Variants in FKBP1A observed in about 807,000 individuals in gnomAD.
FKBP1A encodes the protein FKBP prolyl isomerase 1A, also known as peptidyl-prolyl cis-trans isomerase FKBP1A.
FKBP1A carries 5 observed loss-of-function variants against 14.2 expected under a neutral mutation model. The observed-to-expected ratio is 0.35, with a 90% confidence interval of 0.18 to 0.74. The LOEUF (loss-of-function observed/expected upper bound fraction) is 0.74. FKBP1A is among the 30% of genes least tolerant of loss of function. The pLI is 0.56. For missense variants in FKBP1A, 53 were observed against 138.8 expected (o/e 0.38, Z 3.10); for synonymous variants, 42 against 49.1 (o/e 0.86, Z 0.60).
chr20:1,384,536 T>C (rs770658363), intron 2 of FKBP1A, among the ~76,000 whole-genome samples: 3 of 152,270 alleles, frequency 2.0e-5, no homozygotes, highest in East Asian at 1.9e-4. Context: ...AAATGATTTA[T>C]GTTAGAGTTT....
At chr20:1,371,152 G>A in intron 4 of FKBP1A, 1 of 985,434 alleles carries the variant, frequency 1.0e-6, no homozygotes, top group South Asian at 4.7e-5. Context: ...TGGTTCCTAT[G>A]GCAGGAGGGG....
chr20:1,392,246 T>C (rs1483345534), intron 2 of FKBP1A, among the ~76,000 whole-genome samples: 1 of 152,168 alleles, frequency 6.6e-6, no homozygotes, highest in Non-Finnish European at 1.5e-5. Context: ...CGTGCAGCTC[T>C]ACTTCCCCCA....
At chr20:1,372,727 C>CAT (rs2089485022) in intron 3 of FKBP1A, among the ~76,000 whole-genome samples, 1 of 152,040 alleles carries the variant, frequency 6.6e-6, no homozygotes. Context: ...CTCTTTTACC[C>CAT]ATATAGGAAA....
At chr20:1,383,956 G>C (rs764311500) in intron 2 of FKBP1A, among the ~76,000 whole-genome samples, 159 of 152,226 alleles carry the variant, frequency 1.0e-3, no homozygotes, top group Non-Finnish European at 2.0e-3. Context: ...ATGGCTCAAG[G>C]TCTAATGGTT....
At chr20:1,378,911 C>T (rs867092844) in intron 2 of FKBP1A, among the ~76,000 whole-genome samples, 3 of 152,206 alleles carry the variant, frequency 2.0e-5, no homozygotes, top group Non-Finnish European at 4.4e-5. Context: ...GGAACAGTGT[C>T]TCATGTCAGG....
intron 2 of FKBP1A, 74 bp from the exon 3 acceptor site, chr20:1,375,677 C>T (rs2122667858): frequency 1.9e-6 from 2 of 1,074,772 alleles, no homozygotes; most frequent in Non-Finnish European, 2.9e-6. Flanking sequence ...CAGCAGAGCA[C>T]TCATCAGAGA....
At chr20:1,370,235 G>A in intron 4 of FKBP1A, 163 bp from the exon 5 acceptor site, 1 of 985,460 alleles carries the variant, frequency 1.0e-6, no homozygotes, top group Non-Finnish European at 1.2e-6. Context: ...AGAAAGACTT[G>A]GGCTGGGTCC....
intron 2 of FKBP1A, chr20:1,391,620 GAA>G (rs778573792): frequency 2.5e-6 from 1 of 398,578 alleles, no homozygotes; most frequent in Non-Finnish European, 4.4e-6. Context: ...TCTTTCCAGT[GAA>G]AGTCATTTCC....
At chr20:1,383,980 T>C (rs1340347174) in intron 2 of FKBP1A, among the ~76,000 whole-genome samples, 1 of 152,162 alleles carries the variant, frequency 6.6e-6, no homozygotes, top group African/African-American at 2.4e-5. Flanking sequence ...CTGTTTGCTT[T>C]CCCTCTTCTT....
chr20:1,371,751 A>T, intron 4 of FKBP1A: 1 of 1,024,398 alleles, frequency 9.8e-7, no homozygotes, highest in Non-Finnish European at 1.2e-6. Context: ...AAGAACTAAA[A>T]TGTTGGCACT....
chr20:1,391,874 C>T (rs919453002), intron 2 of FKBP1A, among the ~76,000 whole-genome samples: 3 of 152,120 alleles, frequency 2.0e-5, no homozygotes, highest in East Asian at 1.9e-4. Flanking sequence ...ACACCAATCA[C>T]TGCCACCCTT....
rs564998081 is a variant in FKBP1A at position 1,369,888 on chromosome 20, G to A, written c.*221C>T. On this transcript the variant is annotated 3_prime_UTR_variant, in exon 5 of 5. Coordinates refer to ENST00000400137, the MANE Select transcript of FKBP1A (RefSeq NM_000801.5). ...AATAACTTGAGGTTTATGGCATATAGTTTAGGTAAACACACATACGAGGAG... is the reference window on the plus strand; with the variant it reads ...AATAACTTGAGGTTTATGGCATATAATTTAGGTAAACACACATACGAGGAG... The A allele has an allele frequency of 1.8e-5, 15 of 836,396 alleles. No individual in the cohort carries two copies. Among genetic ancestry groups the A allele is most frequent in the Non-Finnish European group, 2.7e-5 (15 of 552,192 alleles). The allele number at this position is 836,396 out of a possible 1,614,324, so 51.8% of individuals were successfully genotyped here.
Position 1,386,317 on chromosome 20 carries a change from T to C in FKBP1A, c.85+6517A>G, listed in dbSNP as rs767839144. Among the ~76,000 whole-genome samples, 17 of 152,210 alleles carry C rather than the reference T, an allele frequency of 1.1e-4. No individual in the cohort carries two copies. Among genetic ancestry groups the C allele is most frequent in the Non-Finnish European group, 2.4e-4 (16 of 68,036 alleles). ...CAGGGTAAGCTTCTTGAGGGCAACA[T>C]TGAGGCTTTGCCCAGCTCCTTATAT... On this transcript the variant is annotated intron_variant, in intron 2 of 4. Transcript: ENST00000400137. The surrounding 1 kb of genome is among the most constrained non-coding windows in gnomAD (Gnocchi z 4.7).
rs2089439506 is a variant in FKBP1A at position 1,369,899 on chromosome 20, C to G, written c.*210G>C. On this transcript the variant is annotated 3_prime_UTR_variant, in exon 5 of 5. Transcript: ENST00000400137. ...GTTTATGGCATATAGTTTAGGTAAA[C>G]ACACATACGAGGAGAAAGGGGAAGA... 12 of 949,004 alleles carry G rather than the reference C, an allele frequency of 1.3e-5. No homozygotes were observed. The highest frequency in any genetic ancestry group is 1.9e-5 in the Non-Finnish European group (12 of 648,020). 58.8% of individuals were successfully genotyped at this position (949,004 alleles called of 1,614,324 possible). A position where few individuals can be genotyped will look rare whatever the true frequency, so the allele number is the denominator to read the frequency against.
chr20:1,379,944 A>G lies in FKBP1A; in HGVS notation c.86-4341T>C, dbSNP rs886268736. On this transcript the variant is annotated intron_variant, in intron 2 of 4. Transcript: ENST00000400137. The surrounding 1 kb of genome is among the most constrained non-coding windows in gnomAD (Gnocchi z 4.3). ...TGGAAGCAGTGTTTGTTAAGCTGGA[A>G]TGAGTGTGCATGTGTAGGAATTATG... is the stretch of plus-strand genomic sequence containing the variant. Among the ~76,000 whole-genome samples the G allele has an allele frequency of 3.3e-5, 5 of 152,096 alleles. No homozygotes were observed. Among genetic ancestry groups the G allele is most frequent in the African/African-American group, 9.7e-5 (4 of 41,412 alleles).
intron 2 of FKBP1A, among the ~76,000 whole-genome samples, chr20:1,383,900 T>C (rs1419580850): frequency 6.6e-6 from 1 of 151,950 alleles, no homozygotes; most frequent in Non-Finnish European, 1.5e-5. Context: ...AGTATTTTTC[T>C]GCAGCTTTGC....
intron 2 of FKBP1A, among the ~76,000 whole-genome samples, chr20:1,381,185 C>A (rs539115349): frequency 2.0e-5 from 3 of 152,278 alleles, no homozygotes; most frequent in Admixed American, 6.5e-5. Flanking sequence ...TGGGAGAAAA[C>A]TTTTGCAAAG....
intron 2 of FKBP1A, among the ~76,000 whole-genome samples, chr20:1,380,338 T>C (rs1443105244): frequency 2.6e-5 from 4 of 152,102 alleles, no homozygotes; most frequent in Non-Finnish European, 4.4e-5. Context: ...AGGGTCCTCT[T>C]TGAGTATTCA....
At chr20:1,385,696 T>A (rs1300570241) in intron 2 of FKBP1A, among the ~76,000 whole-genome samples, 1 of 152,084 alleles carries the variant, frequency 6.6e-6, no homozygotes, top group African/African-American at 2.4e-5. Flanking sequence ...CCTACCACCA[T>A]CCCTCTGACT....
Sources: allele counts gnomAD v4.1 joint callset (sites outside exome capture counted in the v4.1 genomes callset), GRCh38; gene constraint gnomAD v4.1.1; non-coding constraint Gnocchi (gnomAD v3.1); transcripts MANE v1.5; gene names NCBI Gene and HGNC (gene_info 2026-07-23, HGNC 2026-07-21).